Variants in ROR2 observed in about 807,000 individuals in gnomAD.
ROR2 encodes the protein ROR family WNT receptor 2.
Under a neutral mutation model 74.9 loss-of-function variants are expected in ROR2, and 33 were observed. That is an observed-to-expected ratio of 0.44 (90% confidence interval 0.33 to 0.59). ROR2 has a LOEUF of 0.59. ROR2 is among the 20% of genes least tolerant of loss of function. The pLI is 0.02. For synonymous variants in ROR2, 586 were observed against 558.7 expected (o/e 1.05, Z -0.69); for missense variants, 1,216 against 1,313.8 (o/e 0.93, Z 1.15).
chr9:91,851,353 C>CAA (rs140560176), intron 1 of ROR2, among the ~76,000 whole-genome samples: 3 of 114,570 alleles, frequency 2.6e-5, no homozygotes, highest in East Asian at 2.4e-4. Flanking sequence ...GACTCCGTCT[C>CAA]AAAAAAAAAA....
chr9:91,774,128 T>C (rs1826335637), intron 2 of ROR2, among the ~76,000 whole-genome samples: 1 of 152,214 alleles, frequency 6.6e-6, no homozygotes, highest in Admixed American at 6.5e-5. Context: ...ACAAAAACTA[T>C]TTTTCTTCCT....
At chr9:91,859,194 TTCC>T (rs1829392244) in intron 1 of ROR2, among the ~76,000 whole-genome samples, 2 of 122,854 alleles carry the variant, frequency 1.6e-5, no homozygotes, top group Admixed American at 9.2e-5. Flanking sequence ...TCTGAAAGTA[TTCC>T]TTTTTTTTTT....
chr9:91,901,529 C>A (rs1308842200), intron 1 of ROR2, among the ~76,000 whole-genome samples: 1 of 152,094 alleles, frequency 6.6e-6, no homozygotes, highest in Non-Finnish European at 1.5e-5. Context: ...AATAAAAGTG[C>A]TCTGGGATGG....
chr9:91,737,429 G>A lies in ROR2; in HGVS notation c.584C>T (p.Ser195Leu), dbSNP rs35050720. The A allele has an allele frequency of 5.6e-6, 9 of 1,614,100 alleles. No individual in the cohort carries two copies. Among genetic ancestry groups the A allele is most frequent in the South Asian group, 1.1e-5 (1 of 91,076 alleles). The change falls in exon 5 of 9, where the codon TCG (serine) becomes TTG (leucine). Residue 195 changes from serine to leucine, a missense_variant. Transcript: ENST00000375708. ...FIGNRTIYVD[S>L]LQMQGEIENR... is the part of the protein sequence containing the mutation. ...TTCAATCTCCCCCTGCATCTGAAGC[G>A]AGTCCACATAAATGGTCCGGTTGCC...
chr9:91,921,953 CAA>C (rs58497723), intron 1 of ROR2, among the ~76,000 whole-genome samples: 40,145 of 141,496 alleles, frequency 0.28, 5,821 homozygotes, highest in Admixed American at 0.44. Context: ...GACATTTCTC[CAA>C]AAAAAAAAAA....
intron 1 of ROR2, among the ~76,000 whole-genome samples, chr9:91,789,181 C>A (rs1327927020): frequency 1.3e-5 from 2 of 152,110 alleles, no homozygotes; most frequent in Non-Finnish European, 2.9e-5. Flanking sequence ...TTATACAATG[C>A]ATACATGCAC....
intron 1 of ROR2, among the ~76,000 whole-genome samples, chr9:91,840,850 T>C (rs1828761053): frequency 6.6e-6 from 1 of 152,262 alleles, no homozygotes; most frequent in Non-Finnish European, 1.5e-5. Flanking sequence ...CCACACCCCA[T>C]GCTCCAGCTC....
At chr9:91,908,638 A>ATTTCTTGT (rs1392118757) in intron 1 of ROR2, among the ~76,000 whole-genome samples, 2 of 152,226 alleles carry the variant, frequency 1.3e-5, no homozygotes, top group Non-Finnish European at 2.9e-5. Flanking sequence ...TCTCAAAGAA[A>ATTTCTTGT]TAAGTTTAAA....
rs1007337854 is a variant in ROR2, at chr9:91,780,094, A to C, written c.98-4276T>G. On this transcript the variant is annotated intron_variant, in intron 1 of 8. Coordinates refer to ENST00000375708, the MANE Select transcript of ROR2 (RefSeq NM_004560.4). ...CTGGAGGTGCAGATTCTGAAGAATTAGAAATTATATAACCAGGCCAGGCAC... is the reference window on the plus strand; with the variant it reads ...CTGGAGGTGCAGATTCTGAAGAATTCGAAATTATATAACCAGGCCAGGCAC... Among the ~76,000 whole-genome samples, 8 of 152,360 alleles carry C rather than the reference A, an allele frequency of 5.3e-5. No homozygotes were observed. The South Asian group carries it at 6.2e-4, about 12-fold the overall frequency.
At position 91,723,647 on chromosome 9, in the gene ROR2, G is replaced by A. The variant is rs368832078; in HGVS notation, c.*15C>T. The A allele has an allele frequency of 1.2e-6, 2 of 1,612,156 alleles. No homozygotes were observed. Among genetic ancestry groups the A allele is most frequent in the African/African-American group, 2.7e-5 (2 of 74,890 alleles). ...GGCGGGGCTTCTATCCCCGAACCCC[G>A]GGCCCTGGTGCCACTCAAGCTTCCA... On this transcript the variant is annotated 3_prime_UTR_variant, in exon 9 of 9. Coordinates refer to ENST00000375708, the MANE Select transcript of ROR2 (RefSeq NM_004560.4).
chr9:91,835,420 G>A (rs979836190), intron 1 of ROR2, among the ~76,000 whole-genome samples: 1 of 152,066 alleles, frequency 6.6e-6, no homozygotes, highest in East Asian at 1.9e-4. Flanking sequence ...ACTGCCCCCA[G>A]CCCTCATTCC....
intron 4 of ROR2, among the ~76,000 whole-genome samples, chr9:91,739,467 C>T (rs1021920348): frequency 2.8e-5 from 4 of 144,960 alleles, no homozygotes; most frequent in African/African-American, 1.0e-4. Context: ...GATCAAACTA[C>T]TGGGCTCCAG....
intron 4 of ROR2, among the ~76,000 whole-genome samples, chr9:91,751,297 A>C (rs1178355526): frequency 6.6e-6 from 1 of 152,216 alleles, no homozygotes; most frequent in Non-Finnish European, 1.5e-5. Flanking sequence ...ATTAACATGG[A>C]CTTTCAGACT....
intron 1 of ROR2, among the ~76,000 whole-genome samples, chr9:91,877,712 G>A (rs755512605): frequency 2.0e-5 from 3 of 152,136 alleles, no homozygotes; most frequent in Admixed American, 6.5e-5. Flanking sequence ...AGCTATTCCT[G>A]CTATGCCTAT....
At chr9:91,836,552 A>C (rs1828617758) in intron 1 of ROR2, among the ~76,000 whole-genome samples, 1 of 151,876 alleles carries the variant, frequency 6.6e-6, no homozygotes, top group Non-Finnish European at 1.5e-5. Flanking sequence ...AAAAAAAAAA[A>C]AACAGTCTGC....
At chr9:91,906,498 G>A (rs1044110862) in intron 1 of ROR2, among the ~76,000 whole-genome samples, 1 of 152,076 alleles carries the variant, frequency 6.6e-6, no homozygotes, top group Non-Finnish European at 1.5e-5. Flanking sequence ...CTTAGCTCCC[G>A]CCAAGGGTCT....
At chr9:91,899,935 A>G (rs1190091938) in intron 1 of ROR2, among the ~76,000 whole-genome samples, 1 of 152,196 alleles carries the variant, frequency 6.6e-6, no homozygotes, top group East Asian at 1.9e-4. Context: ...TACATCCACC[A>G]GGAAACTAGG....
At position 91,755,163 on chromosome 9, in the gene ROR2, G is replaced by GA. The variant is rs10718991; in HGVS notation, c.494+907dup. Among the ~76,000 whole-genome samples the GA allele has an allele frequency of 1.6e-4, 25 of 151,696 alleles. No individual in the cohort carries two copies. The East Asian group carries it at 4.3e-3, about 26-fold the overall frequency. Reference sequence around the variant, plus strand: ...AGCCAGGCCTGTCTATTTGGGGGGGGAAAAAAATCTGCCCTCTGCAAGCAA... The same window carrying GA: ...AGCCAGGCCTGTCTATTTGGGGGGGGAAAAAAAATCTGCCCTCTGCAAGCAA... On this transcript the variant is annotated intron_variant, in intron 4 of 8. Transcript: ENST00000375708.
intron 1 of ROR2, among the ~76,000 whole-genome samples, chr9:91,883,785 T>G (rs1830189077): frequency 6.6e-6 from 1 of 152,058 alleles, no homozygotes; most frequent in African/African-American, 2.4e-5. Flanking sequence ...TTGCAGGAAG[T>G]TAGTGAATCA....
Sources: allele counts gnomAD v4.1 joint callset (sites outside exome capture counted in the v4.1 genomes callset), GRCh38; gene constraint gnomAD v4.1.1; transcripts MANE v1.5; gene names NCBI Gene and HGNC (gene_info 2026-07-23, HGNC 2026-07-21).